Variants in SNRNP200 observed in about 807,000 individuals in gnomAD.
SNRNP200 encodes the protein U5 small nuclear ribonucleoprotein 200 kDa helicase.
A neutral mutation model predicts 255.2 loss-of-function variants in SNRNP200; 66 were observed. The observed-to-expected ratio is 0.26, with a 90% confidence interval of 0.21 to 0.32. The LOEUF is 0.32. Among genes scored for constraint, SNRNP200 ranks in the 10% least tolerant of loss-of-function variants. SNRNP200 has a pLI of 1.00. For missense variants in SNRNP200, 1,585 were observed against 2,749.8 expected (o/e 0.58, Z 9.47); for synonymous variants, 939 against 1,027.8 (o/e 0.91, Z 1.65).
rs528907162 is a variant in SNRNP200 at position 96,285,862 on chromosome 2, T to C, written c.4003+449A>G. 1.1e-4 allele frequency among the ~76,000 whole-genome samples: 17 copies of C among 152,372 alleles called. 1 individual carries two copies. Among genetic ancestry groups the C allele is most frequent in the African/African-American group, 4.1e-4 (17 of 41,596 alleles). On this transcript the variant is annotated intron_variant, in intron 29 of 44. Coordinates refer to ENST00000323853, the MANE Select transcript of SNRNP200 (RefSeq NM_014014.5). The stretch of plus-strand genomic sequence containing the variant: ...CCTATAAAAGGAACACTAATGGCAG[T>C]ATCTCCAATAGAGATTCCTTTTAGG...
chr2:96,297,441 T>A lies in SNRNP200; in HGVS notation c.1299A>T (p.Gly433=). The change falls in exon 11 of 45, where the codon GGA becomes GGT. Residue 433 remains glycine, a synonymous_variant. Coordinates refer to ENST00000323853, the MANE Select transcript of SNRNP200 (RefSeq NM_014014.5). ...MANKRCQLPD[G]SFRRQRKGYE... ...AGCCCTTACGCTGGCGACGGAAGGATCCATCAGGAAGCTGACAGCGTTTAT... is the reference window on the plus strand; with the variant it reads ...AGCCCTTACGCTGGCGACGGAAGGAACCATCAGGAAGCTGACAGCGTTTAT... 6.2e-7 allele frequency: 1 copy of A among 1,614,160 alleles called. No individual in the cohort carries two copies. The highest frequency in any genetic ancestry group is 8.5e-7 in the Non-Finnish European group (1 of 1,180,034).
chr2:96,298,045 CT>C (rs2063929677), intron 9 of SNRNP200, among the ~76,000 whole-genome samples: 1 of 152,204 alleles, frequency 6.6e-6, no homozygotes, highest in African/African-American at 2.4e-5. Context: ...CATGGATTTA[CT>C]GTGTAAATAA....
chr2:96,290,736 T>C lies in SNRNP200; in HGVS notation c.2501A>G (p.Tyr834Cys). 6.2e-7 allele frequency: 1 copy of C among 1,614,226 alleles called. No individual in the cohort carries two copies. Among genetic ancestry groups the C allele is most frequent in the Non-Finnish European group, 8.5e-7 (1 of 1,180,038 alleles). The change falls in exon 19 of 45, where the codon TAC becomes TGC. Residue 834 changes from tyrosine (Y) to cysteine (C), a missense_variant. Around this residue, in one of 9 missense-constraint regions of SNRNP200, gnomAD observed 140 missense variants for 274.9 expected, o/e 0.51. Coordinates refer to ENST00000323853, the MANE Select transcript of SNRNP200 (RefSeq NM_014014.5). This position sits in a 1 kb window ranked among gnomAD's most constrained non-coding sequence, Gnocchi z 4.5. Reference sequence around the variant, plus strand: ...TGTCCAACGCCCCTTCTCTGGACTGTACACCTGGGTGCCTTTGATGATGAC... The same window carrying C: ...TGTCCAACGCCCCTTCTCTGGACTGCACACCTGGGTGCCTTTGATGATGAC... The part of the protein sequence containing the change: ...HTVIIKGTQV[Y>C]SPEKGRWTEL...
chr2:96,291,409 CA>C lies in SNRNP200; in HGVS notation c.2403del (p.Phe801LeufsTer9). 6.2e-7 allele frequency: 1 copy of C among 1,607,174 alleles called. No homozygotes were observed. Among genetic ancestry groups the C allele is most frequent in the Non-Finnish European group, 8.5e-7 (1 of 1,173,638 alleles). ...CCCCTCACCTGAATATGTTTATCAG[CA>C]AAAAGATCCTCCACGAGTGTTCGGT... ...RVDRTLVEDL[F>X]ADKHIQVLVS... On this transcript the variant is annotated frameshift_variant, in exon 18 of 45. Transcript: ENST00000323853. LOFTEE classifies it high-confidence loss of function. This position sits in a 1 kb window ranked among gnomAD's most constrained non-coding sequence, Gnocchi z 4.2.
rs2063836878 is a variant in SNRNP200 at position 96,285,190 on chromosome 2, A to G, written c.4154T>C (p.Leu1385Pro). The G allele has an allele frequency of 1.2e-6, 2 of 1,614,112 alleles. No homozygotes were observed. Among genetic ancestry groups the G allele is most frequent in the Non-Finnish European group, 1.7e-6 (2 of 1,180,024 alleles). Reference sequence around the variant, plus strand: ...AGCGCCACGTCATACCTGCTCTGCCAGGGCCTCCATGGGGGTGATGTACAC... The same window carrying G: ...AGCGCCACGTCATACCTGCTCTGCCGGGGCCTCCATGGGGGTGATGTACAC... ...RCVYITPMEA[L>P]AEQVYMDWYE... The change falls in exon 30 of 45, where the codon CTG (leucine) becomes CCG (proline). Residue 1385 changes from leucine to proline, a missense_variant. Leu to Pro is a moderately conservative substitution (Grantham distance 98). Around this residue, in one of 9 missense-constraint regions of SNRNP200, gnomAD observed 719 missense variants for 1,091.1 expected, o/e 0.66. Transcript: ENST00000323853.
In SNRNP200 at chr2:96,303,207, C is replaced by G; in HGVS notation, c.333G>C (p.Glu111Asp). The change falls in exon 3 of 45, where the codon GAG becomes GAC. Residue 111 changes from glutamate (E) to aspartate (D), a missense_variant. By Grantham distance (45) the Glu-to-Asp change is conservative. Coordinates refer to ENST00000323853, the MANE Select transcript of SNRNP200 (RefSeq NM_014014.5). ...IYKPKTKETR[E>D]TYEVLLSFIQ... is the part of the protein sequence containing the mutation. Reference sequence around the variant, plus strand: ...TGAAGCTGAGTAGCACCTCATAGGTCTCCCGAGTCTCTTTAGTTTTGGGCT... The same window carrying G: ...TGAAGCTGAGTAGCACCTCATAGGTGTCCCGAGTCTCTTTAGTTTTGGGCT... 6.2e-7 allele frequency: 1 copy of G among 1,614,234 alleles called. No individual in the cohort carries two copies. The highest frequency in any genetic ancestry group is 8.5e-7 in the Non-Finnish European group (1 of 1,180,038).
intron 2 of SNRNP200, 107 bp downstream of exon 2, chr2:96,304,598 T>A: frequency 2.0e-6 from 3 of 1,468,986 alleles, no homozygotes; most frequent in Non-Finnish European, 2.9e-6. Context: ...TGAATTGTTT[T>A]AATGCCACTG....
Position 96,291,517 on chromosome 2 carries a change from A to G in SNRNP200, c.2311-15T>C. ...AGCTCTAGGTTCTGTGGAACAAAGA[A>G]CCGGGGATGAGGCGAGCCTTCCTGT... On this transcript the variant is annotated splice_polypyrimidine_tract_variant and intron_variant, in intron 17 of 44. Transcript: ENST00000323853. This position sits in a 1 kb window ranked among gnomAD's most constrained non-coding sequence, Gnocchi z 4.2. 1 of 1,550,970 alleles carries G rather than the reference A, an allele frequency of 6.4e-7. No individual in the cohort carries two copies. The highest frequency in any genetic ancestry group is 8.9e-7 in the Non-Finnish European group (1 of 1,122,580).
chr2:96,293,561 C>CT, intron 14 of SNRNP200, 52 bp from the exon 15 acceptor site: 1 of 1,544,126 alleles, frequency 6.5e-7, no homozygotes, highest in African/African-American at 1.4e-5. Context: ...TACATAGTCC[C>CT]TTTTCCTGGA....
At chr2:96,279,097 CCTAA>C (rs1343757092) in intron 36 of SNRNP200, 99 bp from the exon 37 acceptor site, 17 of 959,672 alleles carry the variant, frequency 1.8e-5, no homozygotes, top group Non-Finnish European at 2.7e-5. Context: ...CTGTGTGAGA[CCTAA>C]CTAATACCAA....
chr2:96,287,369 G>A lies in SNRNP200; in HGVS notation c.3484+70C>T, dbSNP rs534989410. ...ATACTAATGCACAGGCCTAGGAACA[G>A]GAAGACTACATAGGCAAACTGGGAG... is the stretch of plus-strand genomic sequence containing the variant. On this transcript the variant is annotated intron_variant, in intron 26 of 44. Coordinates refer to ENST00000323853, the MANE Select transcript of SNRNP200 (RefSeq NM_014014.5). This position sits in a 1 kb window ranked among gnomAD's most constrained non-coding sequence, Gnocchi z 5.7. 8.0e-7 allele frequency: 1 copy of A among 1,251,350 alleles called. No homozygotes were observed. Among genetic ancestry groups the A allele is most frequent in the African/African-American group, 1.5e-5 (1 of 67,736 alleles). 77.5% of individuals were successfully genotyped at this position (1,251,350 alleles called of 1,614,324 possible).
In SNRNP200 at chr2:96,284,727, C is replaced by T. The variant is rs535962857; in HGVS notation, c.4165-142G>A. Reference sequence around the variant, plus strand: ...TTCTAATCCCATAGCAGCCTCTATGCGATGCGATGGGGCAGCTTTTTCTTT... The same window carrying T: ...TTCTAATCCCATAGCAGCCTCTATGTGATGCGATGGGGCAGCTTTTTCTTT... On this transcript the variant is annotated intron_variant, in intron 30 of 44. Coordinates refer to ENST00000323853, the MANE Select transcript of SNRNP200 (RefSeq NM_014014.5). The T allele has an allele frequency of 2.9e-5, 20 of 683,480 alleles. No homozygotes were observed. In the East Asian group the frequency reaches 3.8e-4, roughly 13 times the overall value. The allele number at this position is 683,480 out of a possible 1,614,324, so 42.3% of individuals were successfully genotyped here.
Position 96,290,842 on chromosome 2 carries a change from G to A in SNRNP200, c.2422-27C>T. 6.2e-7 allele frequency: 1 copy of A among 1,613,938 alleles called. No homozygotes were observed. The highest frequency in any genetic ancestry group is 8.5e-7 in the Non-Finnish European group (1 of 1,179,910). On this transcript the variant is annotated intron_variant, in intron 18 of 44. Coordinates refer to ENST00000323853, the MANE Select transcript of SNRNP200 (RefSeq NM_014014.5). This position sits in a 1 kb window ranked among gnomAD's most constrained non-coding sequence, Gnocchi z 4.5. ...TACAGAGGCAAAACAAGGTAATGAG[G>A]AGAACAGATGCCATCACCAGGGGTT...
At chr2:96,303,112 G>GA (rs780132996) in intron 3 of SNRNP200, 47 bp downstream of exon 3, 13 of 1,595,016 alleles carry the variant, frequency 8.2e-6, no homozygotes, top group Non-Finnish European at 1.1e-5. Context: ...CTGTATGCCA[G>GA]AAAATGAAAT....
chr2:96,301,752 G>T, intron 3 of SNRNP200, 36 bp from the exon 4 acceptor site: 1 of 1,611,382 alleles, frequency 6.2e-7, no homozygotes, highest in Non-Finnish European at 8.5e-7. Flanking sequence ...TATTGAGAAC[G>T]ACGACAGGCA....
In SNRNP200 at chr2:96,293,450, C is replaced by T. The variant is rs200401868; in HGVS notation, c.1902G>A (p.Arg634=). 9 of 1,613,020 alleles carry T rather than the reference C, an allele frequency of 5.6e-6. No individual in the cohort carries two copies. In the Admixed American group the frequency reaches 1.0e-4, roughly 18 times the overall value. ...GGGTCATCTCAATGTTTCGGATGGC[C>T]CTGGCCACTAAAGCTTCTAAGACAG... ...RGPVLEALVA[R]AIRNIEMTQE... is the part of the protein sequence containing the mutation. The change falls in exon 15 of 45, where the codon AGG becomes AGA. Residue 634 remains arginine, a synonymous_variant. Coordinates refer to ENST00000323853, the MANE Select transcript of SNRNP200 (RefSeq NM_014014.5).
In SNRNP200 at chr2:96,277,391, C is replaced by A; in HGVS notation, c.5931+148G>T. The A allele has an allele frequency of 7.8e-7, 1 of 1,274,814 alleles. No individual in the cohort carries two copies. The highest frequency in any genetic ancestry group is 1.1e-6 in the Non-Finnish European group (1 of 884,070). 79.0% of individuals were successfully genotyped at this position (1,274,814 alleles called of 1,614,324 possible). ...AAGAACACAGCCCACAGTTGGCAGG[C>A]TCTCTAGCATCTCAACAGGGAGCAC... is the stretch of plus-strand genomic sequence containing the variant. On this transcript the variant is annotated intron_variant, in intron 41 of 44. Transcript: ENST00000323853. This position sits in a 1 kb window ranked among gnomAD's most constrained non-coding sequence, Gnocchi z 4.4.
At position 96,287,307 on chromosome 2, in the gene SNRNP200, G is replaced by T; in HGVS notation, c.3484+132C>A. 1 of 1,209,058 alleles carries T rather than the reference G, an allele frequency of 8.3e-7. No individual in the cohort carries two copies. Among genetic ancestry groups the T allele is most frequent in the Non-Finnish European group, 1.2e-6 (1 of 811,394 alleles). 74.9% of individuals were successfully genotyped at this position (1,209,058 alleles called of 1,614,324 possible). A position where few individuals can be genotyped will look rare whatever the true frequency, so the allele number is the denominator to read the frequency against. ...TTCCAAGTCCCCAGACCAAGGGCCA[G>T]CCTGTACTTCAGTGGGACTTGGGGA... On this transcript the variant is annotated intron_variant, in intron 26 of 44. Transcript: ENST00000323853. The surrounding 1 kb of genome is among the most constrained non-coding windows in gnomAD (Gnocchi z 5.7).
intron 15 of SNRNP200, 89 bp from the exon 16 acceptor site, chr2:96,293,184 C>T: frequency 6.3e-7 from 1 of 1,586,102 alleles, no homozygotes; most frequent in Non-Finnish European, 8.7e-7. Flanking sequence ...GAGCAATATT[C>T]CTCCTTTATG....
Sources: allele counts gnomAD v4.1 joint callset (sites outside exome capture counted in the v4.1 genomes callset), GRCh38; gene constraint gnomAD v4.1.1; regional missense constraint gnomAD v4.1.1; non-coding constraint Gnocchi (gnomAD v3.1); transcripts MANE v1.5; gene names NCBI Gene and HGNC (gene_info 2026-07-23, HGNC 2026-07-21).